PROSER2: variants seen among roughly 807,000 people sequenced by gnomAD.
PROSER2 encodes proline and serine-rich protein 2.
A neutral mutation model predicts 14.6 loss-of-function variants in PROSER2; 18 were observed. The observed-to-expected ratio is 1.23, with a 90% confidence interval of 0.85 to 1.83. The LOEUF (loss-of-function observed/expected upper bound fraction) is 1.83, where lower values mean the gene tolerates loss of function less well. Among genes scored for constraint, PROSER2 ranks in the 40% most tolerant of loss-of-function variants. The pLI, the probability that PROSER2 is intolerant of heterozygous loss-of-function variation, is 0.00. For missense variants in PROSER2, 823 were observed against 629.8 expected (o/e 1.31, Z -3.28); for synonymous variants, 367 against 286.4 (o/e 1.28, Z -2.84).
chr10:11,833,205 T>C (rs1022982189), intron 1 of PROSER2, among the ~76,000 whole-genome samples: 2 of 148,574 alleles, frequency 1.3e-5, no homozygotes, highest in African/African-American at 4.9e-5. Flanking sequence ...AGTCTGTATT[T>C]TGTGACAAGT....
rs776712081 is a variant in PROSER2 at position 11,852,180 on chromosome 10, C to G, written c.103C>G (p.Arg35Gly). 1.2e-6 allele frequency: 2 copies of G among 1,612,626 alleles called. No individual in the cohort carries two copies. Among genetic ancestry groups the G allele is most frequent in the East Asian group, 2.2e-5 (1 of 44,812 alleles). Residue 35 changes from arginine to glycine, a missense_variant, in exon 2 of 4, where the codon CGA (arginine) becomes GGA (glycine). Physicochemically the swap from Arg to Gly is moderately radical, Grantham distance 125 (BLOSUM62 -2). Transcript: ENST00000277570. The stretch of plus-strand genomic sequence containing the variant: ...CAGCAGAGGCGGCAGCCTGGAGAGT[C>G]GAAGCAGCAGCTCTCGCTCCAGAAG... ...AFSRGGSLES[R>G]SSSSRSRSFT...
rs979566225 is a variant in PROSER2 at position 11,846,176 on chromosome 10, G to T, written c.-81-5821G>T. 2.0e-5 allele frequency among the ~76,000 whole-genome samples: 3 copies of T among 152,012 alleles called. No individual in the cohort carries two copies. In the South Asian group the frequency reaches 6.2e-4, roughly 32 times the overall value. On this transcript the variant is annotated intron_variant, in intron 1 of 3. Transcript: ENST00000277570. ...TCATTTTTGTATTTTTAGTAGAGAC[G>T]GGTTTTTACCATGTTGGCTAGGCTG...
rs1449592310 is a variant in PROSER2, at chr10:11,823,388, T to G, written c.-164T>G. ...CGCGGCGGGGCGTCCCGGAACAGTC[T>G]GCGCCAGACGGGCGGCGGCGTGAGG... On this transcript the variant is annotated 5_prime_UTR_variant, in exon 1 of 4. Transcript: ENST00000277570. The surrounding 1 kb of genome is among the most constrained non-coding windows in gnomAD (Gnocchi z 6.2). The G allele has an allele frequency of 6.6e-6, 1 of 152,432 alleles. No homozygotes were observed. Among genetic ancestry groups the G allele is most frequent in the Admixed American group, 6.6e-5 (1 of 15,208 alleles). The allele number at this position is 152,432 out of a possible 1,614,324, so 9.4% of individuals were successfully genotyped here. A position where few individuals can be genotyped will look rare whatever the true frequency, so the allele number is the denominator to read the frequency against.
chr10:11,863,983 T>G (rs1469977006), intron 2 of PROSER2, among the ~76,000 whole-genome samples: 1 of 152,144 alleles, frequency 6.6e-6, no homozygotes, highest in South Asian at 2.1e-4. Flanking sequence ...ATTCTGGGAT[T>G]CCCTGCAGCT....
intron 1 of PROSER2, among the ~76,000 whole-genome samples, chr10:11,845,983 A>C (rs994470012): frequency 6.6e-6 from 1 of 152,072 alleles, no homozygotes; most frequent in African/African-American, 2.4e-5. Context: ...TCATTCATTC[A>C]TGCATTCATT....
At chr10:11,863,250 C>T (rs1453225961) in intron 2 of PROSER2, among the ~76,000 whole-genome samples, 1 of 152,122 alleles carries the variant, frequency 6.6e-6, no homozygotes, top group South Asian at 2.1e-4. Flanking sequence ...TTGTGTAGAC[C>T]ACAGGCTCTG....
At position 11,867,895 on chromosome 10, in the gene PROSER2, T is replaced by C. The variant is rs184627912; in HGVS notation, c.391+1112T>C. Among the ~76,000 whole-genome samples, 11 of 152,284 alleles carry C rather than the reference T, an allele frequency of 7.2e-5. No individual in the cohort carries two copies. The East Asian group carries it at 1.9e-3, about 27-fold the overall frequency. On this transcript the variant is annotated intron_variant, in intron 3 of 3. Coordinates refer to ENST00000277570, the MANE Select transcript of PROSER2 (RefSeq NM_153256.4). ...AACAAATGTGGCCAAGGGTTTAACA[T>C]TGGAAGGGATGAGGAAACATTACTT...
In PROSER2 at chr10:11,846,541, T is replaced by A. The variant is rs186306009; in HGVS notation, c.-81-5456T>A. Among the ~76,000 whole-genome samples the A allele has an allele frequency of 3.1e-3, 468 of 152,266 alleles. 4 individuals are homozygous for A. Among genetic ancestry groups the A allele is most frequent in the Non-Finnish European group, 4.7e-3 (319 of 68,002 alleles). On this transcript the variant is annotated intron_variant, in intron 1 of 3. Transcript: ENST00000277570. The stretch of plus-strand genomic sequence containing the variant: ...TGTCGAGTTTTTTCTTTGTTATCAA[T>A]TTTTTCTTCATAAAAAGTTGTATTT...
Position 11,869,344 on chromosome 10 carries a change from A to C in PROSER2, c.392-146A>C, listed in dbSNP as rs187361349. The C allele has an allele frequency of 3.2e-3, 2,057 of 640,770 alleles. 4 individuals carry two copies. Among genetic ancestry groups the C allele is most frequent in the Non-Finnish European group, 4.7e-3 (1,646 of 353,238 alleles). 39.7% of individuals were successfully genotyped at this position (640,770 alleles called of 1,614,324 possible). ...CTTCTCCTTCCCTAGTCCCAGGAAC[A>C]GGGAGAGAGGAGTTGACTCACAGGC... On this transcript the variant is annotated intron_variant, in intron 3 of 3. Transcript: ENST00000277570. The surrounding 1 kb of genome is among the most constrained non-coding windows in gnomAD (Gnocchi z 4.4).
chr10:11,834,102 C>T (rs1833725637), intron 1 of PROSER2, among the ~76,000 whole-genome samples: 1 of 146,128 alleles, frequency 6.8e-6, no homozygotes, highest in Non-Finnish European at 1.5e-5. Context: ...TCAAGCGATT[C>T]TCCTGCTTCA....
At chr10:11,852,666 G>T (rs896564396) in intron 2 of PROSER2, among the ~76,000 whole-genome samples, 1 of 148,010 alleles carries the variant, frequency 6.8e-6, no homozygotes, top group Admixed American at 6.8e-5. Flanking sequence ...TTACAGGCTC[G>T]TGCCACCACA....
chr10:11,869,085 C>T lies in PROSER2; in HGVS notation c.392-405C>T, dbSNP rs1834410084. ...GAGGAAAGTGACACAGCTACATGTC[C>T]TTCATCCAGAAAGACCTGCTGGTGT... On this transcript the variant is annotated intron_variant, in intron 3 of 3. Transcript: ENST00000277570. The surrounding 1 kb of genome is among the most constrained non-coding windows in gnomAD (Gnocchi z 4.4). 6.6e-6 allele frequency among the ~76,000 whole-genome samples: 1 copy of T among 152,236 alleles called. No individual in the cohort carries two copies. Among genetic ancestry groups the T allele is most frequent in the Non-Finnish European group, 1.5e-5 (1 of 68,036 alleles).
At chr10:11,859,643 G>A (rs1326455768) in intron 2 of PROSER2, among the ~76,000 whole-genome samples, 1 of 152,128 alleles carries the variant, frequency 6.6e-6, no homozygotes, top group Non-Finnish European at 1.5e-5. Flanking sequence ...AGCCCTGCAG[G>A]AGCCTCCACT....
At chr10:11,863,664 G>C (rs1834288266) in intron 2 of PROSER2, among the ~76,000 whole-genome samples, 1 of 152,050 alleles carries the variant, frequency 6.6e-6, no homozygotes, top group African/African-American at 2.4e-5. Flanking sequence ...CTACTCAATG[G>C]GAGGCAACAG....
At chr10:11,857,034 G>A (rs533551526) in intron 2 of PROSER2, among the ~76,000 whole-genome samples, 3 of 152,278 alleles carry the variant, frequency 2.0e-5, no homozygotes, top group Admixed American at 2.0e-4. Flanking sequence ...TTTTCTAAAA[G>A]GCCAATTCAC....
intron 1 of PROSER2, among the ~76,000 whole-genome samples, chr10:11,828,970 AC>A (rs1190480027): frequency 6.6e-6 from 1 of 152,116 alleles, no homozygotes; most frequent in East Asian, 1.9e-4. Flanking sequence ...AGCTGGGCCA[AC>A]AAGGGCAGCA....
chr10:11,843,076 G>A (rs1295486473), intron 1 of PROSER2, among the ~76,000 whole-genome samples: 3 of 149,910 alleles, frequency 2.0e-5, no homozygotes, highest in African/African-American at 7.3e-5. Context: ...GAGTAGCTGG[G>A]ATTACAGGCG....
At chr10:11,826,694 C>T (rs758519374) in intron 1 of PROSER2, among the ~76,000 whole-genome samples, 3 of 152,170 alleles carry the variant, frequency 2.0e-5, no homozygotes, top group Non-Finnish European at 4.4e-5. Flanking sequence ...TCTCCTGCCT[C>T]AGCCTCCTGA....
Position 11,869,425 on chromosome 10 carries a change from A to C in PROSER2, c.392-65A>C. 1.6e-6 allele frequency: 2 copies of C among 1,241,914 alleles called. No homozygotes were observed. The highest frequency in any genetic ancestry group is 1.2e-5 in the South Asian group (1 of 81,692). 76.9% of individuals were successfully genotyped at this position (1,241,914 alleles called of 1,614,324 possible). A position where few individuals can be genotyped will look rare whatever the true frequency, so the allele number is the denominator to read the frequency against. Reference sequence around the variant, plus strand: ...TTGAGGCTCTTTTCAGTTCAGCGAGAGGGAACTTCATGCATTTACTTTCAC... The same window carrying C: ...TTGAGGCTCTTTTCAGTTCAGCGAGCGGGAACTTCATGCATTTACTTTCAC... On this transcript the variant is annotated intron_variant, in intron 3 of 3. Transcript: ENST00000277570. The surrounding 1 kb of genome is among the most constrained non-coding windows in gnomAD (Gnocchi z 4.4).
Sources: allele counts gnomAD v4.1 joint callset (sites outside exome capture counted in the v4.1 genomes callset), GRCh38; gene constraint gnomAD v4.1.1; non-coding constraint Gnocchi (gnomAD v3.1); transcripts MANE v1.5; gene names NCBI Gene and HGNC (gene_info 2026-07-23, HGNC 2026-07-21).